Variants in FER1L5 observed in about 807,000 individuals in gnomAD.
The protein encoded by FER1L5 is fer-1-like protein 5.
A neutral mutation model predicts 279.9 loss-of-function variants in FER1L5; 187 were observed. The ratio of observed to expected loss-of-function variants is 0.67; its 90% confidence interval spans 0.59 to 0.75. FER1L5 has a LOEUF of 0.75. Ranked by LOEUF, FER1L5 falls within the 30% of genes least tolerant of loss-of-function variation. FER1L5 has a pLI of 0.00. For synonymous variants in FER1L5, 921 were observed against 989.7 expected, an observed-to-expected ratio of 0.93 and a Z score of 1.30; for missense variants, 2,091 against 2,594.4, an observed-to-expected ratio of 0.81 and a Z score of 4.21.
chr2:96,703,235 C>A lies in FER1L5; in HGVS notation c.5580C>A (p.Asp1860Glu). The change falls in exon 50 of 53, where the codon GAC (aspartate) becomes GAA (glutamate). Residue 1860 changes from aspartate (D) to glutamate (E), a missense_variant. By Grantham distance (45) the Asp-to-Glu change is conservative (BLOSUM62 2). Coordinates refer to ENST00000624922, the MANE Select transcript of FER1L5 (RefSeq NM_001293083.2). The stretch of plus-strand genomic sequence containing the variant: ...GCTCCATCAGGATGATGGACGCCGA[C>A]CCCAAGTGGCCCTATTTCATCCAAT... ...KQCSIRMMDA[D>E]PKWPYFIQYK... is the part of the protein sequence containing the mutation. 1 of 1,613,948 alleles carries A rather than the reference C, an allele frequency of 6.2e-7. No individual in the cohort carries two copies. Among genetic ancestry groups the A allele is most frequent in the Non-Finnish European group, 8.5e-7 (1 of 1,179,878 alleles).
At chr2:96,688,251 C>G (rs796623858) in intron 24 of FER1L5, among the ~76,000 whole-genome samples, 4 of 152,304 alleles carry the variant, frequency 2.6e-5, no homozygotes, top group African/African-American at 9.6e-5. Context: ...GGCCTGGTCC[C>G]CCTCTCCCTG....
intron 19 of FER1L5, 122 bp from the exon 20 acceptor site, chr2:96,684,205 G>T: frequency 7.6e-7 from 1 of 1,317,232 alleles, no homozygotes; most frequent in Non-Finnish European, 1.0e-6. Context: ...AGTCAGCATT[G>T]TTAGCAGGTC....
In FER1L5 at chr2:96,703,531, G is replaced by C. The variant is rs750996976; in HGVS notation, c.5700G>C (p.Val1900=). ...DGGKWRLSGK[V]KMSLEILSEK... ...ACCCATGGTGTTCCTAGGGCAAGGTGAAGATGAGCCTGGAGATTCTGTCAG... is the reference window on the plus strand; with the variant it reads ...ACCCATGGTGTTCCTAGGGCAAGGTCAAGATGAGCCTGGAGATTCTGTCAG... The change falls in exon 51 of 53, where the codon GTG becomes GTC. Residue 1900 remains valine (V), a synonymous_variant. Transcript: ENST00000624922. 4 of 1,613,992 alleles carry C rather than the reference G, an allele frequency of 2.5e-6. No individual in the cohort carries two copies. Among genetic ancestry groups the C allele is most frequent in the Non-Finnish European group, 3.4e-6 (4 of 1,179,888 alleles).
chr2:96,656,063 C>T (rs1385649515), intron 9 of FER1L5, among the ~76,000 whole-genome samples: 1 of 151,848 alleles, frequency 6.6e-6, no homozygotes, highest in East Asian at 1.9e-4. Flanking sequence ...CTCCCATATC[C>T]TCATCACTCA....
In FER1L5 at chr2:96,704,380, G is replaced by T. The variant is rs1385908299; in HGVS notation, c.5949+18G>T. The T allele has an allele frequency of 6.2e-7, 1 of 1,613,404 alleles. No individual in the cohort carries two copies. Among genetic ancestry groups the T allele is most frequent in the Non-Finnish European group, 8.5e-7 (1 of 1,179,540 alleles). The stretch of plus-strand genomic sequence containing the variant: ...CAGCTCCGGTGAGTGGCAGCCATGG[G>T]GGCAAGGACAAAGGTGGTCTCGGGA... On this transcript the variant is annotated intron_variant, in intron 52 of 52. Transcript: ENST00000624922.
chr2:96,648,807 A>G (rs2075245109), intron 4 of FER1L5, among the ~76,000 whole-genome samples: 1 of 152,212 alleles, frequency 6.6e-6, no homozygotes, highest in Non-Finnish European at 1.5e-5. Context: ...TTGTATGCAG[A>G]CAGTCTGTGA....
In FER1L5 at chr2:96,689,791, G is replaced by A. The variant is rs1489658294; in HGVS notation, c.2640+33G>A. On this transcript the variant is annotated intron_variant, in intron 26 of 52. Transcript: ENST00000624922. This position sits in a 1 kb window ranked among gnomAD's most constrained non-coding sequence, Gnocchi z 4.6. Reference sequence around the variant, plus strand: ...GGGCCGAAGCTGCCTCGGGTTAGGGGGCAAGCAAGGCCACCAGGCGGGGCG... The same window carrying A: ...GGGCCGAAGCTGCCTCGGGTTAGGGAGCAAGCAAGGCCACCAGGCGGGGCG... 2.7e-6 allele frequency: 4 copies of A among 1,499,086 alleles called. No homozygotes were observed. Among genetic ancestry groups the A allele is most frequent in the South Asian group, 1.3e-5 (1 of 78,078 alleles). The allele number at this position is 1,499,086 out of a possible 1,614,324, so 92.9% of individuals were successfully genotyped here.
intron 9 of FER1L5, among the ~76,000 whole-genome samples, chr2:96,657,061 T>A (rs548171870): frequency 2.3e-4 from 32 of 137,578 alleles, no homozygotes; most frequent in African/African-American, 8.0e-4. Flanking sequence ...TTTTATTTTT[T>A]AATTTATATA....
chr2:96,675,717 G>A (rs1410493796), intron 19 of FER1L5, among the ~76,000 whole-genome samples: 2 of 152,162 alleles, frequency 1.3e-5, no homozygotes, highest in East Asian at 1.9e-4. Flanking sequence ...GTGAGACACT[G>A]TGCCCAGCCT....
At position 96,698,061 on chromosome 2, in the gene FER1L5, G is replaced by A. The variant is rs749358861; in HGVS notation, c.4261G>A (p.Val1421Met). The A allele has an allele frequency of 5.7e-6, 9 of 1,582,718 alleles. No individual in the cohort carries two copies. In the African/African-American group the frequency reaches 6.7e-5, roughly 12 times the overall value. Residue 1421 changes from valine (V) to methionine (M), a missense_variant, in exon 40 of 53, where the codon GTG becomes ATG. Transcript: ENST00000624922. This position sits in a 1 kb window ranked among gnomAD's most constrained non-coding sequence, Gnocchi z 5.5. ...LKVYECELEA[V>M]PAFQGLQDFC... ...GGTGTATGAGTGTGAGCTGGAGGCC[G>A]TGCCAGCCTTCCAGGGCCTGCAGGA...
In FER1L5 at chr2:96,659,290, T is replaced by TTTCCTCCC. The variant is rs1553449028; in HGVS notation, c.748-1046_748-1045insCCCTTCCT. Among the ~76,000 whole-genome samples, 128 of 81,028 alleles carry TTTCCTCCC rather than the reference T, an allele frequency of 1.6e-3. 10 individuals carry two copies. Among genetic ancestry groups the TTTCCTCCC allele is most frequent in the African/African-American group, 5.8e-3 (118 of 20,366 alleles). 53.2% of individuals were successfully genotyped at this position (81,028 alleles called of 152,430 possible). The stretch of plus-strand genomic sequence containing the variant: ...TTTGATGAAGTCCAATTTATCAAGC[T>TTTCCTCCC]TTCCTTCCTTCCTTCCTTCCTTCCT... On this transcript the variant is annotated intron_variant, in intron 9 of 52. Coordinates refer to ENST00000624922, the MANE Select transcript of FER1L5 (RefSeq NM_001293083.2).
intron 44 of FER1L5, 52 bp downstream of exon 44, chr2:96,700,132 TG>T: frequency 1.2e-6 from 2 of 1,604,858 alleles, no homozygotes; most frequent in Non-Finnish European, 1.7e-6. Context: ...CTCTGGAAGC[TG>T]TGAGGCTCCA....
At chr2:96,690,219 T>C (rs931880286) in intron 26 of FER1L5, among the ~76,000 whole-genome samples, 2 of 152,152 alleles carry the variant, frequency 1.3e-5, no homozygotes, top group African/African-American at 4.8e-5. Flanking sequence ...GTGGCTACTG[T>C]ATTGGGTAGT....
chr2:96,650,116 G>A, intron 5 of FER1L5, 64 bp from the exon 6 acceptor site: 2 of 1,288,692 alleles, frequency 1.6e-6, no homozygotes, highest in East Asian at 5.1e-5. Context: ...GATGGAATGG[G>A]GAAAATACCT....
Position 96,702,832 on chromosome 2 carries a change from A to G in FER1L5, c.5397+91A>G. 1 of 1,559,056 alleles carries G rather than the reference A, an allele frequency of 6.4e-7. No homozygotes were observed. Among genetic ancestry groups the G allele is most frequent in the South Asian group, 1.2e-5 (1 of 85,178 alleles). On this transcript the variant is annotated intron_variant, in intron 48 of 52. Transcript: ENST00000624922. This position sits in a 1 kb window ranked among gnomAD's most constrained non-coding sequence, Gnocchi z 4.0. The stretch of plus-strand genomic sequence containing the variant: ...CCCCCCACCCCTCCAGAGGCTTGCA[A>G]TCTGTCCCAGAACATCAGAAACATG...
chr2:96,659,366 T>G (rs28846094), intron 9 of FER1L5, among the ~76,000 whole-genome samples: 2 of 15,552 alleles, frequency 1.3e-4, no homozygotes, highest in African/African-American at 3.8e-4. Context: ...TCCTTCCTTC[T>G]TTCTTTCTTT....
rs764644529 is a variant in FER1L5 at position 96,649,666 on chromosome 2, T to G, written c.383T>G (p.Ile128Ser). The change falls in exon 5 of 53, where the codon ATT becomes AGT. Residue 128 changes from isoleucine (I) to serine (S), a missense_variant. By Grantham distance (142) the Ile-to-Ser change is moderately radical. Coordinates refer to ENST00000624922, the MANE Select transcript of FER1L5 (RefSeq NM_001293083.2). ...GTGGCCCACATGAGCAACCAGGATA[T>G]TGAGAAGACAGGTATGTCCTTCCCT... is the stretch of plus-strand genomic sequence containing the variant. ...LQVAHMSNQD[I>S]EKTGAEDHLG... The G allele has an allele frequency of 2.6e-6, 4 of 1,551,620 alleles. No homozygotes were observed. The South Asian group carries it at 4.8e-5, about 18-fold the overall frequency.
chr2:96,702,986 A>G lies in FER1L5; in HGVS notation c.5406A>G (p.Ile1802Met), dbSNP rs759366847. The change falls in exon 49 of 53, where the codon ATA (isoleucine) becomes ATG (methionine). Residue 1802 changes from isoleucine to methionine, a missense_variant. Coordinates refer to ENST00000624922, the MANE Select transcript of FER1L5 (RefSeq NM_001293083.2). This position sits in a 1 kb window ranked among gnomAD's most constrained non-coding sequence, Gnocchi z 4.0. ...TTCCGCCATTTCCCCAGGATTACAT[A>G]TGGAGCCTGGATGCCACGTCCATGA... ...RTCVQSQKDY[I>M]WSLDATSMKF... 4 of 1,611,870 alleles carry G rather than the reference A, an allele frequency of 2.5e-6. No individual in the cohort carries two copies. The highest frequency in any genetic ancestry group is 1.7e-5 in the Admixed American group (1 of 59,748).
intron 14 of FER1L5, among the ~76,000 whole-genome samples, chr2:96,666,991 A>T (rs1211129253): frequency 6.6e-6 from 1 of 152,118 alleles, no homozygotes; most frequent in Non-Finnish European, 1.5e-5. Context: ...TGAGGAAACC[A>T]TAATGCAGAG....
Sources: allele counts gnomAD v4.1 joint callset (sites outside exome capture counted in the v4.1 genomes callset), GRCh38; gene constraint gnomAD v4.1.1; non-coding constraint Gnocchi (gnomAD v3.1); transcripts MANE v1.5; gene names NCBI Gene and HGNC (gene_info 2026-07-23, HGNC 2026-07-21).